SPOCK1: variants seen among roughly 807,000 people sequenced by gnomAD.
The protein encoded by SPOCK1 is SPARC (osteonectin), cwcv and kazal like domains proteoglycan 1.
In SPOCK1, 23 loss-of-function variants were observed where a neutral mutation model predicts 55.3. That is an observed-to-expected ratio of 0.42 (90% CI 0.30 to 0.59). SPOCK1 has a LOEUF of 0.59. SPOCK1 is among the 20% of genes least tolerant of loss of function. The probability of loss-of-function intolerance (pLI) is 0.22; values close to 1 mark genes in which losing one functional copy is unlikely to be tolerated. For synonymous variants in SPOCK1, 226 were observed against 221.0 expected (o/e 1.02, Z -0.20); for missense variants, 499 against 552.5 (o/e 0.90, Z 0.97).
chr5:137,116,615 C>T (rs1364334687), intron 4 of SPOCK1, among the ~76,000 whole-genome samples: 1 of 152,046 alleles, frequency 6.6e-6, no homozygotes, highest in Non-Finnish European at 1.5e-5. Context: ...CACTGCACTC[C>T]AGCCTGGGCA....
chr5:137,288,588 G>T (rs570928257), intron 2 of SPOCK1, among the ~76,000 whole-genome samples: 1 of 152,270 alleles, frequency 6.6e-6, no homozygotes, highest in East Asian at 1.9e-4. Flanking sequence ...GAATCAAATC[G>T]CTAGCCTCTC....
intron 6 of SPOCK1, among the ~76,000 whole-genome samples, chr5:137,019,924 C>G (rs930915643): frequency 1.6e-4 from 25 of 151,838 alleles, no homozygotes; most frequent in African/African-American, 6.0e-4. Flanking sequence ...TAAGTTAGAG[C>G]TAAAGTATCC....
chr5:137,123,489 T>C (rs932246051), intron 4 of SPOCK1, among the ~76,000 whole-genome samples: 1 of 152,194 alleles, frequency 6.6e-6, no homozygotes, highest in Non-Finnish European at 1.5e-5. Flanking sequence ...CAGTTGGTAC[T>C]CAACTGCCCC....
intron 3 of SPOCK1, among the ~76,000 whole-genome samples, chr5:137,244,185 A>G (rs541377978): frequency 6.6e-6 from 1 of 152,220 alleles, no homozygotes; most frequent in Non-Finnish European, 1.5e-5. Context: ...AAGAGACTAT[A>G]TTACATTCAA....
intron 3 of SPOCK1, among the ~76,000 whole-genome samples, chr5:137,194,707 C>T (rs1254796498): frequency 6.6e-6 from 1 of 152,062 alleles, no homozygotes; most frequent in East Asian, 1.9e-4. Context: ...TGATTTCCTT[C>T]TAGGAGGGCA....
At chr5:137,174,866 C>T (rs1754824829) in intron 3 of SPOCK1, among the ~76,000 whole-genome samples, 1 of 152,098 alleles carries the variant, frequency 6.6e-6, no homozygotes, top group African/African-American at 2.4e-5. Context: ...TGGGAAAGAG[C>T]GATGGCATAA....
At chr5:137,171,476 G>A (rs957656299) in intron 3 of SPOCK1, among the ~76,000 whole-genome samples, 3 of 152,154 alleles carry the variant, frequency 2.0e-5, no homozygotes, top group African/African-American at 2.4e-5. Flanking sequence ...GGCCAGCCAC[G>A]CTACCAATGT....
chr5:137,247,084 G>C (rs749255342), intron 3 of SPOCK1, among the ~76,000 whole-genome samples: 1 of 152,212 alleles, frequency 6.6e-6, no homozygotes, highest in Non-Finnish European at 1.5e-5. Flanking sequence ...ACTGTCTGAA[G>C]GATGAAGAGA....
At chr5:137,184,136 T>C (rs994413454) in intron 3 of SPOCK1, among the ~76,000 whole-genome samples, 1 of 152,160 alleles carries the variant, frequency 6.6e-6, no homozygotes, top group Non-Finnish European at 1.5e-5. Flanking sequence ...TTTTTAAGTG[T>C]AGTTTTGCTT....
intron 5 of SPOCK1, among the ~76,000 whole-genome samples, chr5:137,090,137 A>C (rs1251725190): frequency 1.3e-5 from 2 of 152,226 alleles, no homozygotes; most frequent in Non-Finnish European, 2.9e-5. Flanking sequence ...CTCTAACAAA[A>C]AGCAAATCCC....
chr5:137,164,532 C>G (rs1754613550), intron 3 of SPOCK1, among the ~76,000 whole-genome samples: 1 of 152,258 alleles, frequency 6.6e-6, no homozygotes, highest in Non-Finnish European at 1.5e-5. Flanking sequence ...GTGGTGGCTA[C>G]AGTGAGAGAC....
At chr5:137,026,251 T>G (rs1360713563) in intron 6 of SPOCK1, among the ~76,000 whole-genome samples, 1 of 152,262 alleles carries the variant, frequency 6.6e-6, no homozygotes, top group Non-Finnish European at 1.5e-5. Context: ...CAGTTAATTT[T>G]ATGTGTCAAT....
At chr5:137,306,995 C>T (rs546178968) in intron 2 of SPOCK1, among the ~76,000 whole-genome samples, 2 of 152,268 alleles carry the variant, frequency 1.3e-5, no homozygotes, top group East Asian at 1.9e-4. Flanking sequence ...CAGAACCCTC[C>T]GGTAGGCCCA....
At chr5:137,458,542 A>G (rs1437568146) in intron 2 of SPOCK1, among the ~76,000 whole-genome samples, 2 of 152,196 alleles carry the variant, frequency 1.3e-5, no homozygotes, top group Admixed American at 6.6e-5. Context: ...CCTTCACTCA[A>G]GCTTTTATGG....
chr5:137,332,391 C>T (rs1038503468), intron 2 of SPOCK1, among the ~76,000 whole-genome samples: 2 of 152,208 alleles, frequency 1.3e-5, no homozygotes, highest in African/African-American at 4.8e-5. Context: ...TTCTCCCACC[C>T]CGAGAACTCT....
At chr5:137,256,808 AC>A (rs969368431) in intron 3 of SPOCK1, among the ~76,000 whole-genome samples, 4 of 151,994 alleles carry the variant, frequency 2.6e-5, no homozygotes, top group Non-Finnish European at 5.9e-5. Context: ...GGACGCATCA[AC>A]CTCCAGCGCA....
intron 2 of SPOCK1, among the ~76,000 whole-genome samples, chr5:137,427,927 A>T (rs1017085127): frequency 6.6e-6 from 1 of 150,454 alleles, no homozygotes; most frequent in Non-Finnish European, 1.5e-5. Context: ...AAAAAAAAAA[A>T]GGCAGAAACT....
intron 3 of SPOCK1, among the ~76,000 whole-genome samples, chr5:137,246,644 G>A (rs1391103554): frequency 6.6e-6 from 1 of 152,190 alleles, no homozygotes; most frequent in African/African-American, 2.4e-5. Context: ...CCTGACAGGG[G>A]TAAGGACAGT....
intron 2 of SPOCK1, among the ~76,000 whole-genome samples, chr5:137,403,990 A>T (rs993851815): frequency 6.6e-6 from 1 of 152,184 alleles, no homozygotes; most frequent in African/African-American, 2.4e-5. Flanking sequence ...AACAGGGAAG[A>T]TGCAAAGGTG....
Sources: allele counts gnomAD v4.1 joint callset (sites outside exome capture counted in the v4.1 genomes callset), GRCh38; gene constraint gnomAD v4.1.1; transcripts MANE v1.5; gene names NCBI Gene and HGNC (gene_info 2026-07-23, HGNC 2026-07-21).